Variants in LAMB3 observed in about 807,000 individuals in gnomAD.
LAMB3 encodes the protein laminin subunit beta 3.
LAMB3 carries 104 observed loss-of-function variants against 140.3 expected under a neutral mutation model. The ratio of observed to expected loss-of-function variants is 0.74; its 90% CI spans 0.63 to 0.87. LAMB3 has a LOEUF of 0.87. LAMB3 is among the 40% of genes least tolerant of loss of function. LAMB3 has a pLI of 0.00. For missense variants in LAMB3, 1,531 were observed against 1,575.2 expected, an observed-to-expected ratio of 0.97 and a Z score of 0.47; for synonymous variants, 592 against 602.9, an observed-to-expected ratio of 0.98 and a Z score of 0.26.
chr1:209,615,496 A>AGG, intron 22 of LAMB3, 89 bp from the exon 23 acceptor site: 2 of 1,461,872 alleles, frequency 1.4e-6, no homozygotes, highest in Non-Finnish European at 1.8e-6. Context: ...TGCTAACTGG[A>AGG]GGTAGCATGT....
At chr1:209,625,338 G>C (rs1309932488) in intron 14 of LAMB3, among the ~76,000 whole-genome samples, 13 of 152,164 alleles carry the variant, frequency 8.5e-5, no homozygotes, top group Admixed American at 8.5e-4. Flanking sequence ...ATCCAGAGCT[G>C]ACTCTCTCCC....
chr1:209,632,715 C>T lies in LAMB3; in HGVS notation c.690G>A (p.Arg230=), dbSNP rs1309573367. 5 of 1,614,198 alleles carry T rather than the reference C, an allele frequency of 3.1e-6. No individual in the cohort carries two copies. The highest frequency in any genetic ancestry group is 4.2e-6 in the Non-Finnish European group (5 of 1,180,026). Residue 230 remains arginine (R), a synonymous_variant, in exon 8 of 23, where the codon AGG becomes AGA. Transcript: ENST00000356082. ...AGTAGGCGCTGGGAGGGTGGTAGCC[C>T]CTTTGGGGCACAGGGGCCAGCCTGG... The part of the protein sequence containing the change: ...NFTRLAPVPQ[R]GYHPPSAYYA...
intron 3 of LAMB3, among the ~76,000 whole-genome samples, chr1:209,639,210 G>A (rs1297957740): frequency 6.6e-6 from 1 of 152,116 alleles, no homozygotes; most frequent in Non-Finnish European, 1.5e-5. Flanking sequence ...AAATTAAGTG[G>A]GGATTGAGCT....
At chr1:209,632,051 C>G (rs576931623) in intron 8 of LAMB3, among the ~76,000 whole-genome samples, 1 of 152,326 alleles carries the variant, frequency 6.6e-6, no homozygotes, top group East Asian at 1.9e-4. Context: ...ACTGGAACGT[C>G]TCAAACCCCA....
At position 209,615,068 on chromosome 1, in the gene LAMB3, T is replaced by A. The variant is rs1326238183; in HGVS notation, c.*203A>T. ...ATGGCATGCCAATCTCCACCATCTTTGTCTGTCAAGTGTAACTGTCCCATT... is the reference window on the plus strand; with the variant it reads ...ATGGCATGCCAATCTCCACCATCTTAGTCTGTCAAGTGTAACTGTCCCATT... On this transcript the variant is annotated 3_prime_UTR_variant, in exon 23 of 23. Transcript: ENST00000356082. The A allele has an allele frequency of 3.3e-6, 2 of 597,270 alleles. No individual in the cohort carries two copies. Among genetic ancestry groups the A allele is most frequent in the Non-Finnish European group, 5.9e-6 (2 of 341,476 alleles). The allele number at this position is 597,270 out of a possible 1,614,324, so 37.0% of individuals were successfully genotyped here.
intron 5 of LAMB3, among the ~76,000 whole-genome samples, chr1:209,636,652 A>T (rs1279222466): frequency 2.0e-5 from 3 of 151,632 alleles, no homozygotes; most frequent in African/African-American, 7.3e-5. Flanking sequence ...CTTGCCCCCA[A>T]CCCCAGTCAT....
intron 14 of LAMB3, among the ~76,000 whole-genome samples, chr1:209,624,455 T>C (rs1666341844): frequency 6.6e-6 from 1 of 152,126 alleles, no homozygotes; most frequent in African/African-American, 2.4e-5. Context: ...AGGCTCAGAG[T>C]CTACCTCCCA....
Position 209,626,989 on chromosome 1 carries a change from A to G in LAMB3, c.1486-11T>C. ...GCACTGCCCTGTGAACTGCGTGGGGAGAGCACCGTCAGTGGACCCTGCCTC... is the reference window on the plus strand; with the variant it reads ...GCACTGCCCTGTGAACTGCGTGGGGGGAGCACCGTCAGTGGACCCTGCCTC... On this transcript the variant is annotated splice_polypyrimidine_tract_variant and intron_variant, in intron 12 of 22. Transcript: ENST00000356082. The G allele has an allele frequency of 6.3e-7, 1 of 1,591,048 alleles. No homozygotes were observed. Among genetic ancestry groups the G allele is most frequent in the Non-Finnish European group, 8.6e-7 (1 of 1,161,072 alleles).
At chr1:209,629,253 T>C (rs1418388722) in intron 10 of LAMB3, among the ~76,000 whole-genome samples, 1 of 152,218 alleles carries the variant, frequency 6.6e-6, no homozygotes, top group Non-Finnish European at 1.5e-5. Context: ...GAGCATCAGT[T>C]ATTTTCCAGT....
chr1:209,624,936 A>AAGG (rs1666370151), intron 14 of LAMB3, among the ~76,000 whole-genome samples: 1 of 146,348 alleles, frequency 6.8e-6, no homozygotes, highest in South Asian at 2.2e-4. Context: ...GGAAGGAAGG[A>AAGG]AAAAAAGGGA....
At chr1:209,641,513 T>C (rs1020975811) in intron 3 of LAMB3, among the ~76,000 whole-genome samples, 1 of 152,192 alleles carries the variant, frequency 6.6e-6, no homozygotes, top group Admixed American at 6.5e-5. Context: ...CCTTCTTTCA[T>C]CCTCTCACTT....
At chr1:209,626,287 A>G (rs1365175182) in intron 13 of LAMB3, among the ~76,000 whole-genome samples, 1 of 152,060 alleles carries the variant, frequency 6.6e-6, no homozygotes, top group African/African-American at 2.4e-5. Context: ...GGGAATTAGC[A>G]CTCTTGTTTT....
At chr1:209,627,965 G>T in intron 11 of LAMB3, 70 bp downstream of exon 11, 2 of 1,526,470 alleles carry the variant, frequency 1.3e-6, no homozygotes, top group Non-Finnish European at 1.8e-6. Flanking sequence ...ACAGTGAGCA[G>T]GGCAAGCCGT....
At chr1:209,637,276 C>T (rs1223942321) in intron 5 of LAMB3, among the ~76,000 whole-genome samples, 1 of 152,122 alleles carries the variant, frequency 6.6e-6, no homozygotes, top group Non-Finnish European at 1.5e-5. Context: ...ATCTCCCTTC[C>T]TAATCCTTTA....
chr1:209,619,727 G>T (rs1178135984), intron 18 of LAMB3, among the ~76,000 whole-genome samples: 1 of 152,180 alleles, frequency 6.6e-6, no homozygotes, highest in African/African-American at 2.4e-5. Context: ...CAGATGATTT[G>T]CCCTGGAATC....
chr1:209,628,679 A>AGG (rs202181944), intron 10 of LAMB3, among the ~76,000 whole-genome samples: 2,631 of 152,114 alleles, frequency 0.017, 68 homozygotes, highest in African/African-American at 0.06. Context: ...CTGGGCAACA[A>AGG]GAGCGAAACC....
intron 3 of LAMB3, among the ~76,000 whole-genome samples, chr1:209,642,674 T>A (rs1430186528): frequency 6.6e-6 from 1 of 152,162 alleles, no homozygotes; most frequent in East Asian, 1.9e-4. Flanking sequence ...AGACGGGATT[T>A]CACCATGTTG....
intron 3 of LAMB3, among the ~76,000 whole-genome samples, chr1:209,645,109 T>A (rs941896066): frequency 6.6e-6 from 1 of 152,160 alleles, no homozygotes; most frequent in Non-Finnish European, 1.5e-5. Flanking sequence ...GAATCTCACA[T>A]TCCACCAACC....
Position 209,628,207 on chromosome 1 carries a change from G to C in LAMB3, c.1133-17C>G. The C allele has an allele frequency of 6.4e-7, 1 of 1,552,940 alleles. No homozygotes were observed. The highest frequency in any genetic ancestry group is 1.2e-5 in the South Asian group (1 of 84,284). On this transcript the variant is annotated splice_polypyrimidine_tract_variant and intron_variant, in intron 10 of 22. Transcript: ENST00000356082. Reference sequence around the variant, plus strand: ...ACTCGCAGGCTGAGAGACAACAGCAGCCACCGCAGTAGGAACAAAGAAAAG... The same window carrying C: ...ACTCGCAGGCTGAGAGACAACAGCACCCACCGCAGTAGGAACAAAGAAAAG...
Sources: gnomAD v4.1 joint callset for allele counts (sites outside exome capture counted in the v4.1 genomes callset) on GRCh38, gnomAD v4.1.1 for gene constraint, MANE v1.5 for transcripts, NCBI Gene and HGNC (gene_info 2026-07-23, HGNC 2026-07-21) for gene names.